Variants in TNS2 observed in about 807,000 individuals in gnomAD.
The protein encoded by TNS2 is tensin-2.
In TNS2, 77 loss-of-function variants were observed where a neutral mutation model predicts 155.7. That is an observed-to-expected ratio of 0.49 (90% CI 0.41 to 0.60). The LOEUF is 0.60. TNS2 is among the 20% of genes least tolerant of loss of function. The pLI, the probability that TNS2 is intolerant of heterozygous loss-of-function variation, is 0.00. For missense variants in TNS2, 1,703 were observed against 1,868.8 expected, an observed-to-expected ratio of 0.91 and a Z score of 1.64; for synonymous variants, 726 against 763.9, an observed-to-expected ratio of 0.95 and a Z score of 0.82.
rs376974907 is a variant in TNS2, at chr12:53,054,047, C to T, written c.350+33C>T. On this transcript the variant is annotated intron_variant, in intron 6 of 28. Coordinates refer to ENST00000314250, the MANE Select transcript of TNS2 (RefSeq NM_170754.4). ...AGGGTGCTGGGGTGGTCCCACGTGA[C>T]CCCCTTTCCGCCGGCCCCACACCTC... 83 of 1,613,570 alleles carry T rather than the reference C, an allele frequency of 5.1e-5. No individual in the cohort carries two copies. The African/African-American group carries it at 1.0e-3, about 20-fold the overall frequency.
At position 53,061,941 on chromosome 12, in the gene TNS2, G is replaced by T; in HGVS notation, c.3574+1G>T. 1 of 1,611,314 alleles carries T rather than the reference G, an allele frequency of 6.2e-7. No homozygotes were observed. The highest frequency in any genetic ancestry group is 8.5e-7 in the Non-Finnish European group (1 of 1,178,698). On this transcript the variant is annotated splice_donor_variant, in intron 22 of 28. Transcript: ENST00000314250. LOFTEE classifies it high-confidence loss of function. ...CCACCCAGTGCCCAGCCCTGGAAAG[G>T]TACAGAACACCCAAACCTGAGTGGG...
intron 3 of TNS2, 47 bp from the exon 4 acceptor site, chr12:53,053,364 G>A (rs774582155): frequency 5.0e-6 from 8 of 1,612,504 alleles, no homozygotes; most frequent in African/African-American, 1.3e-5. Flanking sequence ...TCAAGCCCAC[G>A]AGAGCCCTTC....
upstream of TNS2, chr12:53,049,171 AG>A: frequency 6.3e-7 from 1 of 1,585,520 alleles, no homozygotes; most frequent in Admixed American, 1.8e-5. Flanking sequence ...ATGTGTTGGG[AG>A]GGGGGACCTC....
At position 53,053,766 on chromosome 12, in the gene TNS2, C is replaced by G. The variant is rs1400683293; in HGVS notation, c.262-8C>G. ...ACCACTCCCTTTTCCTCCCCCATCT[C>G]CCTCTAGCGGCGAAACACGGCCCCA... is the stretch of plus-strand genomic sequence containing the variant. On this transcript the variant is annotated splice_polypyrimidine_tract_variant and splice_region_variant and intron_variant, in intron 4 of 28. Coordinates refer to ENST00000314250, the MANE Select transcript of TNS2 (RefSeq NM_170754.4). 6.2e-7 allele frequency: 1 copy of G among 1,611,134 alleles called. No homozygotes were observed. The highest frequency in any genetic ancestry group is 1.7e-5 in the Admixed American group (1 of 58,862).
At position 53,051,752 on chromosome 12, in the gene TNS2, C is replaced by T. The variant is rs185757187; in HGVS notation, c.76-103C>T. 1.8e-3 allele frequency: 1,567 copies of T among 882,702 alleles called. 8 individuals carry two copies. Among genetic ancestry groups the T allele is most frequent in the South Asian group, 3.8e-3 (234 of 60,848 alleles). 54.7% of individuals were successfully genotyped at this position (882,702 alleles called of 1,614,324 possible). On this transcript the variant is annotated intron_variant, in intron 1 of 28. Transcript: ENST00000314250. ...TACAAGTTTGAGGGCTTGATCTGGA[C>T]GGAGAAAACCAGTGCAGTGCTAAGG...
At chr12:53,048,835 T>G, upstream of TNS2, 1 of 224,390 alleles carries the variant, frequency 4.5e-6, no homozygotes, top group Non-Finnish European at 8.6e-6. Flanking sequence ...TCCTGGTGGA[T>G]ATGAAGGAGC....
Position 53,057,552 on chromosome 12 carries a change from C to A in TNS2, c.846-15C>A. On this transcript the variant is annotated splice_polypyrimidine_tract_variant and intron_variant, in intron 11 of 28. Transcript: ENST00000314250. ...AGGAAAAGGCTTATGTTCTCCTTGA[C>A]ACGCCCTCCACCAGATATATCAGCT... 6.3e-7 allele frequency: 1 copy of A among 1,592,908 alleles called. No individual in the cohort carries two copies. The highest frequency in any genetic ancestry group is 2.2e-5 in the East Asian group (1 of 44,570).
At chr12:53,049,350 A>C (rs748592739), upstream of TNS2, 14 of 996,478 alleles carry the variant, frequency 1.4e-5, no homozygotes, top group Non-Finnish European at 1.8e-5. Flanking sequence ...CTGTGAGATC[A>C]TGTCTGAAAC....
intron 4 of TNS2, 139 bp from the exon 5 acceptor site, chr12:53,053,635 G>C: frequency 2.1e-6 from 3 of 1,409,442 alleles, no homozygotes; most frequent in Admixed American, 4.5e-5. Context: ...GGGCCTGCTG[G>C]GGGTAGGACT....
chr12:53,057,374 G>C (rs1490644647), intron 11 of TNS2, among the ~76,000 whole-genome samples, 193 bp from the exon 12 acceptor site: 2 of 152,316 alleles, frequency 1.3e-5, no homozygotes, highest in Middle Eastern at 3.4e-3. Context: ...CAGAGCTCTG[G>C]GGAAAGAGCT....
intron 3 of TNS2, 92 bp from the exon 4 acceptor site, chr12:53,053,319 C>T (rs1944010169): frequency 6.8e-7 from 1 of 1,473,092 alleles, no homozygotes; most frequent in Non-Finnish European, 9.5e-7. Flanking sequence ...AAGGCCCCTC[C>T]ACCTTCCTCC....
chr12:53,059,152 C>A lies in TNS2; in HGVS notation c.1511C>A (p.Pro504His). The A allele has an allele frequency of 6.3e-7, 1 of 1,598,648 alleles. No homozygotes were observed. The highest frequency in any genetic ancestry group is 8.5e-7 in the Non-Finnish European group (1 of 1,176,282). Residue 504 changes from proline to histidine, a missense_variant, in exon 18 of 29, where the codon CCC becomes CAC. By Grantham distance (77) the Pro-to-His change is moderately conservative. Coordinates refer to ENST00000314250, the MANE Select transcript of TNS2 (RefSeq NM_170754.4). The surrounding 1 kb of genome is among the most constrained non-coding windows in gnomAD (Gnocchi z 4.7). ...GCACCCTCTCCAGAGCCTCCACCAC[C>A]CCCCATGCTCTCTGTCAGCAGCGAC... ...PPAPSPEPPP[P>H]PMLSVSSDSG... is the part of the protein sequence containing the mutation.
At position 53,058,320 on chromosome 12, in the gene TNS2, CAT is replaced by C. The variant is rs772774624; in HGVS notation, c.1101_1102del (p.Cys368LeufsTer36). On this transcript the variant is annotated frameshift_variant, in exon 15 of 29. Coordinates refer to ENST00000314250, the MANE Select transcript of TNS2 (RefSeq NM_170754.4). LOFTEE classifies it high-confidence loss of function. ...AGCCTCCTGCCTTTCTCCCAGGTAA[CAT>C]GTTATCACAAGGGTGGCCGGGGCAC... The C allele has an allele frequency of 6.2e-7, 1 of 1,614,108 alleles. No individual in the cohort carries two copies. Among genetic ancestry groups the C allele is most frequent in the South Asian group, 1.1e-5 (1 of 91,088 alleles).
intron 8 of TNS2, 62 bp downstream of exon 8, chr12:53,055,298 G>A (rs991957976): frequency 6.4e-7 from 1 of 1,561,448 alleles, no homozygotes; most frequent in Non-Finnish European, 8.8e-7. Context: ...GAAGCCCCCA[G>A]CTTCCTCGTT....
In TNS2 at chr12:53,060,874, A is replaced by G. The variant is rs898450232; in HGVS notation, c.2968A>G (p.Arg990Gly). 1.9e-6 allele frequency: 3 copies of G among 1,592,466 alleles called. No individual in the cohort carries two copies. The highest frequency in any genetic ancestry group is 2.3e-5 in the East Asian group (1 of 44,326). ...PSSPSDWPQE[R>G]SPGGHSDGAS... The stretch of plus-strand genomic sequence containing the variant: ...CTCGCCCAGTGACTGGCCTCAGGAA[A>G]GGAGTCCAGGGGGCCACTCAGATGG... The change falls in exon 20 of 29, where the codon AGG (arginine) becomes GGG (glycine). Residue 990 changes from arginine (R) to glycine (G), a missense_variant. Coordinates refer to ENST00000314250, the MANE Select transcript of TNS2 (RefSeq NM_170754.4). The surrounding 1 kb of genome is among the most constrained non-coding windows in gnomAD (Gnocchi z 6.1).
chr12:53,061,302 GAA>G, intron 20 of TNS2, 38 bp downstream of exon 20: 3 of 1,606,696 alleles, frequency 1.9e-6, no homozygotes, highest in Non-Finnish European at 2.6e-6. Context: ...CACCTTGAGA[GAA>G]CCCTTTCTCC....
Position 53,053,673 on chromosome 12 carries a change from A to G in TNS2, c.262-101A>G, listed in dbSNP as rs1373140446. 4 of 1,545,942 alleles carry G rather than the reference A, an allele frequency of 2.6e-6. No individual in the cohort carries two copies. In the East Asian group the frequency reaches 9.1e-5, roughly 35 times the overall value. ...TCTCCCCTTATCCAGTACAGCCTTC[A>G]AAAGGACACTGACATTCCCTTCCCC... On this transcript the variant is annotated intron_variant, in intron 4 of 28. Coordinates refer to ENST00000314250, the MANE Select transcript of TNS2 (RefSeq NM_170754.4).
chr12:53,062,936 G>A lies in TNS2; in HGVS notation c.3824-153G>A, dbSNP rs529272789. On this transcript the variant is annotated intron_variant, in intron 25 of 28. Transcript: ENST00000314250. ...AGGCTTCTCTGCCTCGCTTCTGACT[G>A]TAGATCCAGTAGAGTCATGGAATCT... is the stretch of plus-strand genomic sequence containing the variant. The A allele has an allele frequency of 1.1e-3, 1,171 of 1,087,710 alleles. 5 individuals are homozygous for A. The highest frequency in any genetic ancestry group is 8.8e-3 in the East Asian group (345 of 39,230). 67.4% of individuals were successfully genotyped at this position (1,087,710 alleles called of 1,614,324 possible). A position where few individuals can be genotyped will look rare whatever the true frequency, so the allele number is the denominator to read the frequency against.
Position 53,063,952 on chromosome 12 carries a change from C to G in TNS2, c.*70C>G. On this transcript the variant is annotated 3_prime_UTR_variant, in exon 29 of 29. Coordinates refer to ENST00000314250, the MANE Select transcript of TNS2 (RefSeq NM_170754.4). The surrounding 1 kb of genome is among the most constrained non-coding windows in gnomAD (Gnocchi z 5.6). ...CCAGCACCCCACAGCCCTCACATCCCCTGGCCTGGACCCAGGAGACCCAGG... is the reference window on the plus strand; with the variant it reads ...CCAGCACCCCACAGCCCTCACATCCGCTGGCCTGGACCCAGGAGACCCAGG... The G allele has an allele frequency of 6.4e-7, 1 of 1,569,626 alleles. No individual in the cohort carries two copies. Among genetic ancestry groups the G allele is most frequent in the South Asian group, 1.2e-5 (1 of 85,744 alleles).
Sources: allele counts gnomAD v4.1 joint callset (sites outside exome capture counted in the v4.1 genomes callset), GRCh38; gene constraint gnomAD v4.1.1; non-coding constraint Gnocchi (gnomAD v3.1); transcripts MANE v1.5; gene names NCBI Gene and HGNC (gene_info 2026-07-23, HGNC 2026-07-21).